Variants in PAN3 observed in about 807,000 individuals in gnomAD.
PAN3 encodes poly(A) specific ribonuclease subunit PAN3, also known as PAN2-PAN3 deadenylation complex subunit PAN3.
Under a neutral mutation model 96.2 loss-of-function variants are expected in PAN3, and 19 were observed. The observed-to-expected ratio is 0.20, with a 90% confidence interval of 0.14 to 0.29. The LOEUF (loss-of-function observed/expected upper bound fraction) is 0.29. Ranked by LOEUF, PAN3 falls within the 10% of genes least tolerant of loss-of-function variation. The pLI is 1.00. For synonymous variants in PAN3, 433 were observed against 406.6 expected (o/e 1.06, Z -0.78); for missense variants, 882 against 1,108.1 (o/e 0.80, Z 2.90).
intron 13 of PAN3, 132 bp downstream of exon 13, chr13:28,270,998 C>A (rs1032791077): frequency 3.0e-5 from 28 of 932,830 alleles, no homozygotes; most frequent in African/African-American, 2.9e-4. Flanking sequence ...ACTTTGAATT[C>A]ATTTGTAAGC....
At chr13:28,263,548 C>A (rs533322562) in intron 9 of PAN3, among the ~76,000 whole-genome samples, 65 of 152,174 alleles carry the variant, frequency 4.3e-4, no homozygotes, top group Non-Finnish European at 7.8e-4. Flanking sequence ...TGAGGCTGGT[C>A]TTGAACTTCT....
intron 17 of PAN3, among the ~76,000 whole-genome samples, chr13:28,283,990 G>A (rs1868628184): frequency 6.6e-6 from 1 of 152,136 alleles, no homozygotes. Context: ...TTGCTAGGGT[G>A]GGCGGTACTG....
rs115987059 is a variant in PAN3 at position 28,283,105 on chromosome 13, A to G, written c.2384+1726A>G. Among the ~76,000 whole-genome samples the G allele has an allele frequency of 6.8e-3, 1,040 of 151,860 alleles. 11 individuals are homozygous for G. Among genetic ancestry groups the G allele is most frequent in the African/African-American group, 0.024 (1,005 of 41,404 alleles). On this transcript the variant is annotated intron_variant, in intron 17 of 18. Coordinates refer to ENST00000380958, the MANE Select transcript of PAN3 (RefSeq NM_175854.8). ...GCTCTATCCCCCAGGCTGGAGTGCAATGGCGCATTCTTGGCTCTCTGCAAC... is the reference window on the plus strand; with the variant it reads ...GCTCTATCCCCCAGGCTGGAGTGCAGTGGCGCATTCTTGGCTCTCTGCAAC...
At chr13:28,158,176 A>T (rs1872459933) in intron 1 of PAN3, among the ~76,000 whole-genome samples, 1 of 152,236 alleles carries the variant, frequency 6.6e-6, no homozygotes, top group South Asian at 2.1e-4. Flanking sequence ...CACCTTTGTT[A>T]CACCATATAC....
chr13:28,216,562 A>T (rs1274814612), intron 5 of PAN3, among the ~76,000 whole-genome samples: 1 of 152,224 alleles, frequency 6.6e-6, no homozygotes, highest in Non-Finnish European at 1.5e-5. Flanking sequence ...AAGATTACTG[A>T]TACCAATTTA....
intron 6 of PAN3, among the ~76,000 whole-genome samples, chr13:28,245,745 G>T (rs1884123731): frequency 6.6e-6 from 1 of 152,042 alleles, no homozygotes; most frequent in African/African-American, 2.4e-5. Flanking sequence ...TGCCTGTGCT[G>T]CACATTTCAT....
rs539191279 is a variant in PAN3 at position 28,198,289 on chromosome 13, C to CAA, written c.852+955_852+956dup. 1.8e-3 allele frequency among the ~76,000 whole-genome samples: 230 copies of CAA among 124,398 alleles called. 5 individuals carry two copies. In the Middle Eastern group the frequency reaches 0.027, roughly 14 times the overall value. The allele number at this position is 124,398 out of a possible 152,430, so 81.6% of individuals were successfully genotyped here. A position where few individuals can be genotyped will look rare whatever the true frequency, so the allele number is the denominator to read the frequency against. On this transcript the variant is annotated intron_variant, in intron 5 of 18. Transcript: ENST00000380958. ...TGGGCAACAGAGCGAGATTCTGTCT[C>CAA]AAAAAAAAAAAAAGAGTCGTATAAA...
chr13:28,176,723 C>T (rs1875057395), intron 3 of PAN3, among the ~76,000 whole-genome samples, 164 bp downstream of exon 3: 1 of 151,574 alleles, frequency 6.6e-6, no homozygotes, highest in Non-Finnish European at 1.5e-5. Flanking sequence ...ATTTAGATTC[C>T]AGGCCAGGTG....
chr13:28,221,422 A>G (rs1378335354), intron 6 of PAN3, among the ~76,000 whole-genome samples: 2 of 152,174 alleles, frequency 1.3e-5, no homozygotes, highest in Non-Finnish European at 2.9e-5. Context: ...TAGATCAGCC[A>G]GGAACTGGTA....
At chr13:28,263,222 A>C (rs1280426702) in intron 9 of PAN3, among the ~76,000 whole-genome samples, 1 of 152,244 alleles carries the variant, frequency 6.6e-6, no homozygotes, top group Non-Finnish European at 1.5e-5. Context: ...CACAGGGTTA[A>C]ACAGATTGAT....
intron 1 of PAN3, 75 bp downstream of exon 1, chr13:28,139,162 G>A (rs913964895): frequency 4.8e-6 from 6 of 1,241,206 alleles, no homozygotes; most frequent in African/African-American, 3.1e-5. Flanking sequence ...TGCTGCCGAC[G>A]GGAGCTGAGC....
chr13:28,183,477 CTCAGCCTAAGCCA>C (rs1260404594), intron 4 of PAN3, among the ~76,000 whole-genome samples: 1 of 152,198 alleles, frequency 6.6e-6, no homozygotes, highest in Non-Finnish European at 1.5e-5. Flanking sequence ...TGTGTGCCAT[CTCAGCCTAAGCCA>C]AGTTTAGGAG....
chr13:28,170,301 A>G (rs554812392), intron 1 of PAN3, among the ~76,000 whole-genome samples: 4 of 152,310 alleles, frequency 2.6e-5, no homozygotes, highest in African/African-American at 9.6e-5. Context: ...ATAAGGTGTT[A>G]TTAAAAGGTG....
At chr13:28,231,328 A>G (rs558523991) in intron 6 of PAN3, among the ~76,000 whole-genome samples, 43 of 152,316 alleles carry the variant, frequency 2.8e-4, no homozygotes, top group South Asian at 1.4e-3. Context: ...CTATGTGTAG[A>G]CCAGGAAAAC....
At chr13:28,183,816 G>A (rs1876109704) in intron 4 of PAN3, among the ~76,000 whole-genome samples, 1 of 152,156 alleles carries the variant, frequency 6.6e-6, no homozygotes, top group South Asian at 2.1e-4. Context: ...TGAGAATGTG[G>A]TACCTAGTAA....
chr13:28,265,065 C>T (rs7332850), intron 9 of PAN3, among the ~76,000 whole-genome samples: 1,883 of 152,228 alleles, frequency 0.012, 27 homozygotes, highest in African/African-American at 0.043. Context: ...TGAAATTAAT[C>T]CTGTATTAAG....
chr13:28,250,204 T>A (rs533420089), intron 6 of PAN3, among the ~76,000 whole-genome samples: 1 of 151,680 alleles, frequency 6.6e-6, no homozygotes, highest in South Asian at 2.1e-4. Flanking sequence ...CAGAACTCTT[T>A]TTTTTTTTTT....
chr13:28,172,313 G>A lies in PAN3; in HGVS notation c.431-1959G>A, dbSNP rs928750974. Among the ~76,000 whole-genome samples the A allele has an allele frequency of 2.0e-5, 3 of 152,110 alleles. No individual in the cohort carries two copies. The East Asian group carries it at 5.8e-4, about 30-fold the overall frequency. On this transcript the variant is annotated intron_variant, in intron 1 of 18. Coordinates refer to ENST00000380958, the MANE Select transcript of PAN3 (RefSeq NM_175854.8). ...CTACTAAATATACAAAAAATTAGCC[G>A]GGCGTAGTGGTGGGCGCCTGTATTC...
At position 28,271,988 on chromosome 13, in the gene PAN3, G is replaced by A. The variant is rs1886657583; in HGVS notation, c.1966G>A (p.Val656Ile). Residue 656 changes from valine to isoleucine, a missense_variant, in exon 14 of 19, where the codon GTA becomes ATA. Coordinates refer to ENST00000380958, the MANE Select transcript of PAN3 (RefSeq NM_175854.8). ...ATTATCTGGTCCTTAAAGGTTGCGA[G>A]TAAATTGTGTTGGAGTTTTTGATGT... is the stretch of plus-strand genomic sequence containing the variant. The part of the protein sequence containing the change: ...ILITGKTRLR[V>I]NCVGVFDVLT... The A allele has an allele frequency of 6.4e-7, 1 of 1,563,636 alleles. No individual in the cohort carries two copies. The highest frequency in any genetic ancestry group is 1.4e-5 in the African/African-American group (1 of 73,072).
Sources: allele counts gnomAD v4.1 joint callset (sites outside exome capture counted in the v4.1 genomes callset), GRCh38; gene constraint gnomAD v4.1.1; transcripts MANE v1.5; gene names NCBI Gene and HGNC (gene_info 2026-07-23, HGNC 2026-07-21).